The following DENND1B variants were observed in gnomAD, a reference collection of about 807,000 sequenced individuals.
The protein encoded by DENND1B is DENN domain containing 1B.
DENND1B carries 59 observed loss-of-function variants against 90.1 expected under a neutral mutation model. That is an observed-to-expected ratio of 0.65 (90% CI 0.53 to 0.81). The LOEUF is 0.81. Ranked by LOEUF, DENND1B falls within the 40% of genes least tolerant of loss-of-function variation. The pLI, the probability that DENND1B is intolerant of heterozygous loss-of-function variation, is 0.00. For missense variants in DENND1B, 862 were observed against 912.6 expected (o/e 0.94, Z 0.71); for synonymous variants, 337 against 324.6 (o/e 1.04, Z -0.41).
At chr1:197,599,723 T>C (rs1401692354) in intron 13 of DENND1B, among the ~76,000 whole-genome samples, 1 of 151,874 alleles carries the variant, frequency 6.6e-6, no homozygotes, top group African/African-American at 2.4e-5. Flanking sequence ...CAAGTCTCTA[T>C]TCGAAGATTA....
At chr1:197,624,240 G>C (rs533998702) in intron 10 of DENND1B, among the ~76,000 whole-genome samples, 1 of 151,606 alleles carries the variant, frequency 6.6e-6, no homozygotes, top group Non-Finnish European at 1.5e-5. Flanking sequence ...CAATGAAACA[G>C]AATAGAGAGC....
chr1:197,747,759 T>C (rs140851707), intron 2 of DENND1B, among the ~76,000 whole-genome samples: 14 of 152,368 alleles, frequency 9.2e-5, no homozygotes, highest in Admixed American at 5.9e-4. Flanking sequence ...TTGGGTTTCC[T>C]ACACTCAGGG....
In DENND1B at chr1:197,508,874, A is replaced by T. The variant is rs1667849560; in HGVS notation, c.*1586T>A. The T allele has an allele frequency of 6.6e-6, 1 of 151,738 alleles. No individual in the cohort carries two copies. The highest frequency in any genetic ancestry group is 1.5e-5 in the Non-Finnish European group (1 of 67,796). 9.4% of individuals were successfully genotyped at this position (151,738 alleles called of 1,614,324 possible). A position where few individuals can be genotyped will look rare whatever the true frequency, so the allele number is the denominator to read the frequency against. ...TGATTCCTTCTCAGATGAATTCCAA[A>T]GCTCAACAGTGAATTTGAGAAAGAA... On this transcript the variant is annotated 3_prime_UTR_variant, in exon 23 of 23. Transcript: ENST00000620048.
intron 2 of DENND1B, among the ~76,000 whole-genome samples, chr1:197,717,768 T>C (rs1437138709): frequency 6.6e-6 from 1 of 151,856 alleles, no homozygotes; most frequent in African/African-American, 2.4e-5. Context: ...GGCCCTTAAC[T>C]GAAAACAAAA....
In DENND1B at chr1:197,674,147, T is replaced by A. The variant is rs76182569; in HGVS notation, c.149A>T (p.Lys50Met). 901 of 1,603,384 alleles carry A rather than the reference T, an allele frequency of 5.6e-4. 10 individuals are homozygous for A. The East Asian group carries it at 0.02, about 35-fold the overall frequency. ...TTCAACGTCAAAGGGAAAACAGAAC[T>A]TTGGCACACTCTGTAGTATTTCCTA... ...GDQEILQSVP[K>M]FCFPFDVERV... Residue 50 changes from lysine (K) to methionine (M), a missense_variant, in exon 4 of 23, where the codon AAG becomes ATG. Physicochemically the swap from Lys to Met is moderately conservative, Grantham distance 95. Transcript: ENST00000620048.
intron 14 of DENND1B, among the ~76,000 whole-genome samples, chr1:197,584,352 C>T (rs1674506789): frequency 6.6e-6 from 1 of 152,122 alleles, no homozygotes; most frequent in South Asian, 2.1e-4. Flanking sequence ...ACACTAATCA[C>T]ATGTAGCTAT....
intron 1 of DENND1B, among the ~76,000 whole-genome samples, chr1:197,773,961 TTC>T (rs1224908828): frequency 1.3e-5 from 2 of 152,210 alleles, no homozygotes; most frequent in Admixed American, 6.5e-5. Flanking sequence ...AAAAAAGCAT[TTC>T]TTTTTTTGGA....
intron 3 of DENND1B, among the ~76,000 whole-genome samples, chr1:197,702,493 A>T (rs1172440663): frequency 6.6e-6 from 1 of 152,222 alleles, no homozygotes; most frequent in Admixed American, 6.5e-5. Flanking sequence ...TATATTATGT[A>T]GTACATCTAC....
At position 197,510,741 on chromosome 1, in the gene DENND1B, C is replaced by T. The variant is rs1667967523; in HGVS notation, c.2047G>A (p.Gly683Arg). ...GADNVSDPTS[G>R]LDFQLTSPEV... is the part of the protein sequence containing the mutation. ...GGGGAAGTGAGTTGGAAATCCAGTCCTGAAGTAGGGTCACTCACATTGTCA... is the reference window on the plus strand; with the variant it reads ...GGGGAAGTGAGTTGGAAATCCAGTCTTGAAGTAGGGTCACTCACATTGTCA... Residue 683 changes from glycine to arginine, a missense_variant, in exon 23 of 23, where the codon GGA becomes AGA. By Grantham distance (125) the Gly-to-Arg change is moderately radical (BLOSUM62 -2). Transcript: ENST00000620048. 1 of 1,612,676 alleles carries T rather than the reference C, an allele frequency of 6.2e-7. No individual in the cohort carries two copies. The highest frequency in any genetic ancestry group is 8.5e-7 in the Non-Finnish European group (1 of 1,179,174).
chr1:197,685,742 CA>C (rs1239516358), intron 3 of DENND1B: 3 of 150,980 alleles, frequency 2.0e-5, no homozygotes, highest in African/African-American at 7.3e-5. Flanking sequence ...AGACCAGCCC[CA>C]AAATTTAAAA....
chr1:197,661,014 G>A (rs1654355184), intron 5 of DENND1B, among the ~76,000 whole-genome samples: 1 of 152,038 alleles, frequency 6.6e-6, no homozygotes, highest in African/African-American at 2.4e-5. Flanking sequence ...TGCTGGAACG[G>A]GGTGTTTACA....
intron 14 of DENND1B, among the ~76,000 whole-genome samples, chr1:197,593,935 C>A (rs1273639676): frequency 2.0e-5 from 3 of 152,006 alleles, no homozygotes; most frequent in Non-Finnish European, 4.4e-5. Flanking sequence ...TATGTTTTAA[C>A]TGATGTTGAA....
At chr1:197,695,922 A>C (rs1423673645) in intron 3 of DENND1B, among the ~76,000 whole-genome samples, 1 of 151,378 alleles carries the variant, frequency 6.6e-6, no homozygotes, top group Non-Finnish European at 1.5e-5. Flanking sequence ...AATCATTCCT[A>C]CCAAATACCT....
At chr1:197,668,864 T>C (rs1470896584) in intron 5 of DENND1B, among the ~76,000 whole-genome samples, 1 of 106,522 alleles carries the variant, frequency 9.4e-6, no homozygotes, top group Non-Finnish European at 2.4e-5. Flanking sequence ...GCTTATACCA[T>C]TTTTTAGTCC....
At chr1:197,583,383 A>T in intron 14 of DENND1B, 130 bp from the exon 15 acceptor site, 2 of 720,222 alleles carry the variant, frequency 2.8e-6, no homozygotes, top group Non-Finnish European at 4.6e-6. Flanking sequence ...TTCCTTACAC[A>T]GAATAGTTTA....
intron 11 of DENND1B, among the ~76,000 whole-genome samples, chr1:197,612,334 T>A: frequency 6.6e-6 from 1 of 150,648 alleles, no homozygotes; most frequent in East Asian, 2.0e-4. Context: ...CAAATATATC[T>A]TAAATAATCA....
intron 3 of DENND1B, among the ~76,000 whole-genome samples, chr1:197,675,783 TAAC>T (rs1391342844): frequency 6.6e-6 from 1 of 152,114 alleles, no homozygotes; most frequent in Non-Finnish European, 1.5e-5. Context: ...ATAATTTCTG[TAAC>T]AATAAAGAAC....
At chr1:197,568,660 A>C (rs1171620772) in intron 15 of DENND1B, among the ~76,000 whole-genome samples, 1 of 152,146 alleles carries the variant, frequency 6.6e-6, no homozygotes, top group African/African-American at 2.4e-5. Context: ...ATATACAGAC[A>C]TATGAAATAG....
At chr1:197,659,209 C>G (rs78410623) in intron 5 of DENND1B, among the ~76,000 whole-genome samples, 2,794 of 151,518 alleles carry the variant, frequency 0.018, 81 homozygotes, top group African/African-American at 0.063. Context: ...GATGCTTTTA[C>G]TACATAATTG....
Sources: allele counts gnomAD v4.1 joint callset (sites outside exome capture counted in the v4.1 genomes callset), GRCh38; gene constraint gnomAD v4.1.1; transcripts MANE v1.5; gene names NCBI Gene and HGNC (gene_info 2026-07-23, HGNC 2026-07-21).